DGKB: variants seen among roughly 807,000 people sequenced by gnomAD.
DGKB encodes the protein 90 kDa diacylglycerol kinase.
A neutral mutation model predicts 114.3 loss-of-function variants in DGKB; 67 were observed. The observed-to-expected ratio is 0.59, with a 90% CI of 0.48 to 0.72. The LOEUF is 0.72. DGKB is among the 30% of genes least tolerant of loss of function. The pLI, the probability that DGKB is intolerant of heterozygous loss-of-function variation, is 0.00. For synonymous variants in DGKB, 398 were observed against 323.1 expected (o/e 1.23, Z -2.49); for missense variants, 907 against 975.2 (o/e 0.93, Z 0.93).
intron 15 of DGKB, among the ~76,000 whole-genome samples, chr7:14,619,054 C>T (rs1436844347): frequency 6.6e-6 from 1 of 150,914 alleles, no homozygotes; most frequent in Admixed American, 6.6e-5. Context: ...TATTTTTTTT[C>T]TCCAAAACTA....
intron 4 of DGKB, among the ~76,000 whole-genome samples, chr7:14,741,020 T>TA (rs1832511110): frequency 6.6e-6 from 1 of 152,150 alleles, no homozygotes. Flanking sequence ...CTGTGCACCT[T>TA]ACAGATGCAT....
At chr7:14,532,816 A>G (rs1439167014) in intron 20 of DGKB, among the ~76,000 whole-genome samples, 1 of 151,642 alleles carries the variant, frequency 6.6e-6, no homozygotes, top group Non-Finnish European at 1.5e-5. Context: ...TACCAACAGG[A>G]GCTACATGCT....
chr7:14,709,990 GA>G (rs879334993), intron 6 of DGKB, among the ~76,000 whole-genome samples: 32 of 139,536 alleles, frequency 2.3e-4, no homozygotes, highest in African/African-American at 5.5e-4. Flanking sequence ...GAAAAGAAAA[GA>G]AAAAAAAAAG....
At position 14,570,481 on chromosome 7, in the gene DGKB, A is replaced by C. The variant is rs147284481; in HGVS notation, c.1770+3731T>G. ...GGAGCATAACATTTGACTACCCAGA[A>C]ACTTAACAACTAATACTCTACTGTT... On this transcript the variant is annotated intron_variant, in intron 20 of 25. Coordinates refer to ENST00000402815, the MANE Select transcript of DGKB (RefSeq NM_001350709.2). Among the ~76,000 whole-genome samples, 753 of 152,258 alleles carry C rather than the reference A, an allele frequency of 4.9e-3. 7 individuals are homozygous for C. Among genetic ancestry groups the C allele is most frequent in the Non-Finnish European group, 7.0e-3 (479 of 68,012 alleles).
intron 20 of DGKB, among the ~76,000 whole-genome samples, chr7:14,491,691 A>G (rs1784619171): frequency 6.6e-6 from 1 of 152,114 alleles, no homozygotes; most frequent in African/African-American, 2.4e-5. Flanking sequence ...GTTTTATTTA[A>G]TTAACGATTT....
intron 23 of DGKB, among the ~76,000 whole-genome samples, chr7:14,224,270 C>A (rs989186056): frequency 6.6e-6 from 1 of 151,736 alleles, no homozygotes; most frequent in African/African-American, 2.4e-5. Context: ...ATTTCTTTGC[C>A]ACTTCAATCC....
intron 20 of DGKB, among the ~76,000 whole-genome samples, chr7:14,546,306 T>G (rs1311338929): frequency 1.3e-5 from 2 of 152,284 alleles, no homozygotes; most frequent in Non-Finnish European, 1.5e-5. Context: ...TGACTTTGCC[T>G]GTCAAGCAAC....
intron 1 of DGKB, among the ~76,000 whole-genome samples, chr7:14,948,156 C>T (rs983359319): frequency 1.3e-5 from 2 of 151,796 alleles, no homozygotes; most frequent in Middle Eastern, 3.4e-3. Context: ...AAGAATGTAA[C>T]AAAGCATCTG....
chr7:14,182,654 G>A (rs1782811609), intron 23 of DGKB, among the ~76,000 whole-genome samples: 1 of 152,192 alleles, frequency 6.6e-6, no homozygotes, highest in East Asian at 1.9e-4. Flanking sequence ...TGTTACACAG[G>A]TAATCAGGGA....
intron 21 of DGKB, among the ~76,000 whole-genome samples, chr7:14,398,296 G>C (rs952986626): frequency 6.6e-6 from 1 of 151,942 alleles, no homozygotes; most frequent in African/African-American, 2.4e-5. Context: ...GTTTCCTTGA[G>C]CTGAGGCCTT....
At position 14,708,790 on chromosome 7, in the gene DGKB, C is replaced by G. The variant is rs1473798084; in HGVS notation, c.467-7060G>C. On this transcript the variant is annotated intron_variant, in intron 6 of 25. Coordinates refer to ENST00000402815, the MANE Select transcript of DGKB (RefSeq NM_001350709.2). ...TAGAAAGCTGAAACTGGATCCCTTC[C>G]TTACACCTTATACAAAAATCAATTC... 1.6e-3 allele frequency among the ~76,000 whole-genome samples: 234 copies of G among 149,230 alleles called. 1 individual carries two copies. The highest frequency in any genetic ancestry group is 6.9e-3 in the Middle Eastern group (2 of 288).
At chr7:14,530,924 A>G (rs1244543316) in intron 20 of DGKB, among the ~76,000 whole-genome samples, 3 of 151,536 alleles carry the variant, frequency 2.0e-5, no homozygotes, top group African/African-American at 7.2e-5. Flanking sequence ...AATATATACA[A>G]TGTAATCAAA....
chr7:14,446,270 C>T (rs1471870453), intron 21 of DGKB, among the ~76,000 whole-genome samples: 11 of 152,100 alleles, frequency 7.2e-5, no homozygotes, highest in African/African-American at 2.4e-4. Context: ...TTCATTCAAT[C>T]GAAAGTGGTT....
intron 20 of DGKB, among the ~76,000 whole-genome samples, chr7:14,544,238 C>T (rs1438953036): frequency 6.6e-6 from 1 of 151,990 alleles, no homozygotes; most frequent in Non-Finnish European, 1.5e-5. Flanking sequence ...TTTTGTAGGC[C>T]TTTAAAAATG....
At chr7:14,957,912 A>G (rs1305839183) in intron 1 of DGKB, among the ~76,000 whole-genome samples, 1 of 152,118 alleles carries the variant, frequency 6.6e-6, no homozygotes, top group Admixed American at 6.6e-5. Context: ...TCGTAGCACT[A>G]TAAAATCATA....
chr7:14,667,011 T>A (rs897280206), intron 13 of DGKB, among the ~76,000 whole-genome samples: 4 of 152,024 alleles, frequency 2.6e-5, no homozygotes, highest in Non-Finnish European at 5.9e-5. Context: ...TAGTTGATTT[T>A]AACCCATTTT....
At chr7:14,695,252 T>TC (rs1250604496) in intron 8 of DGKB, among the ~76,000 whole-genome samples, 1 of 152,084 alleles carries the variant, frequency 6.6e-6, no homozygotes, top group South Asian at 2.1e-4. Context: ...AATGTATCAA[T>TC]CATAAGAGAA....
intron 23 of DGKB, among the ~76,000 whole-genome samples, chr7:14,303,901 A>C (rs1446978048): frequency 1.3e-5 from 2 of 152,172 alleles, no homozygotes; most frequent in Non-Finnish European, 2.9e-5. Flanking sequence ...AAGTCTATCA[A>C]GTATAGAGGA....
intron 23 of DGKB, chr7:14,268,841 G>A (rs1039428867): frequency 6.6e-6 from 1 of 152,170 alleles, no homozygotes; most frequent in Non-Finnish European, 1.5e-5. Context: ...GGCTTTGATA[G>A]TGTCTCTGTA....
Sources: gnomAD v4.1 joint callset for allele counts (sites outside exome capture counted in the v4.1 genomes callset) on GRCh38, gnomAD v4.1.1 for gene constraint, MANE v1.5 for transcripts, NCBI Gene and HGNC (gene_info 2026-07-23, HGNC 2026-07-21) for gene names.